Variants in PTPN3 observed in about 807,000 individuals in gnomAD.
The protein encoded by PTPN3 is protein tyrosine phosphatase non-receptor type 3, also known as tyrosine-protein phosphatase non-receptor type 3.
In PTPN3, 96 loss-of-function variants were observed where a neutral mutation model predicts 132.7. That is an observed-to-expected ratio of 0.72 (90% CI 0.61 to 0.86). PTPN3 has a LOEUF of 0.86. Ranked by LOEUF, PTPN3 falls within the 40% of genes least tolerant of loss-of-function variation. PTPN3 has a pLI of 0.00. For missense variants in PTPN3, 1,125 were observed against 1,159.6 expected, an observed-to-expected ratio of 0.97 and a Z score of 0.43; for synonymous variants, 398 against 429.0, an observed-to-expected ratio of 0.93 and a Z score of 0.89.
chr9:109,455,496 T>C (rs953319947), intron 4 of PTPN3, among the ~76,000 whole-genome samples: 3 of 152,156 alleles, frequency 2.0e-5, no homozygotes, highest in African/African-American at 7.2e-5. Flanking sequence ...CCCTCCCTGC[T>C]CTTTAGTGCT....
At chr9:109,428,527 CCT>C (rs1843438969) in intron 11 of PTPN3, 92 bp downstream of exon 11, 9 of 1,336,088 alleles carry the variant, frequency 6.7e-6, no homozygotes, top group South Asian at 2.7e-5. Flanking sequence ...AGGAGGATCC[CCT>C]GAGCTCAGTT....
the PTPN3 span, among the ~76,000 whole-genome samples, chr9:109,510,596 T>TAA: frequency 7.7e-6 from 1 of 130,498 alleles, no homozygotes. Context: ...TATATATATA[T>TAA]ATATATATAT....
intron 1 of PTPN3, among the ~76,000 whole-genome samples, chr9:109,476,812 A>T (rs1356470228): frequency 6.6e-6 from 1 of 152,218 alleles, no homozygotes; most frequent in African/African-American, 2.4e-5. Flanking sequence ...CAGCCACTCA[A>T]CACCAGCTCT....
the PTPN3 span, among the ~76,000 whole-genome samples, chr9:109,528,425 G>A: frequency 0.12 from 18,007 of 152,234 alleles, 1,415 homozygotes; most frequent in Middle Eastern, 0.24. Flanking sequence ...ACTGCTATGC[G>A]CAATGAAGAG....
chr9:109,379,261 AG>A lies in PTPN3; in HGVS notation c.*294del. On this transcript the variant is annotated 3_prime_UTR_variant, in exon 26 of 26. Transcript: ENST00000374541. Reference sequence around the variant, plus strand: ...GTCTCAATTGCTCCAGGATGCCGACAGGGGTGTGTGTGGTGATGTTAGGGAA... The same window carrying A: ...GTCTCAATTGCTCCAGGATGCCGACAGGGTGTGTGTGGTGATGTTAGGGAA... 3.0e-6 allele frequency: 1 copy of A among 332,914 alleles called. No individual in the cohort carries two copies. Among genetic ancestry groups the A allele is most frequent in the South Asian group, 5.1e-5 (1 of 19,570 alleles). 20.6% of individuals were successfully genotyped at this position (332,914 alleles called of 1,614,324 possible).
the PTPN3 span, among the ~76,000 whole-genome samples, chr9:109,512,215 A>G: frequency 3.3e-5 from 5 of 152,122 alleles, no homozygotes; most frequent in African/African-American, 1.2e-4. Context: ...CTTTTTAACG[A>G]TATTCCTTCC....
chr9:109,436,699 T>TA (rs1385237729), intron 9 of PTPN3, among the ~76,000 whole-genome samples, 184 bp downstream of exon 9: 3 of 151,696 alleles, frequency 2.0e-5, no homozygotes, highest in Non-Finnish European at 4.4e-5. Flanking sequence ...AAGCAAACAT[T>TA]AAAAAAAAGC....
At chr9:109,503,525 T>C in the PTPN3 span, among the ~76,000 whole-genome samples, 1 of 152,036 alleles carries the variant, frequency 6.6e-6, no homozygotes, top group Non-Finnish European at 1.5e-5. Flanking sequence ...GACAGCATAG[T>C]GAAACCCTGT....
At chr9:109,497,631 T>C (rs2132135769) in intron 1 of PTPN3, among the ~76,000 whole-genome samples, 1 of 151,982 alleles carries the variant, frequency 6.6e-6, no homozygotes, top group South Asian at 2.1e-4. Context: ...TCACATACAC[T>C]CCCCCATCTG....
chr9:109,505,237 C>T, the PTPN3 span, among the ~76,000 whole-genome samples: 3 of 152,340 alleles, frequency 2.0e-5, no homozygotes, highest in East Asian at 3.9e-4. Context: ...TTCTGAATCT[C>T]TGGGTGTGGC....
intron 1 of PTPN3, among the ~76,000 whole-genome samples, chr9:109,488,696 A>G (rs1847325596): frequency 6.6e-6 from 1 of 152,196 alleles, no homozygotes. Flanking sequence ...TAGGCAGAAA[A>G]TAAGTTAAAG....
chr9:109,534,418 G>A, the PTPN3 span: 15 of 1,387,762 alleles, frequency 1.1e-5, no homozygotes, highest in East Asian at 2.9e-4. Flanking sequence ...GGTGGTGGTG[G>A]GGCTGCTCAG....
the PTPN3 span, among the ~76,000 whole-genome samples, chr9:109,524,892 C>T: frequency 6.6e-6 from 1 of 151,680 alleles, no homozygotes; most frequent in Non-Finnish European, 1.5e-5. Context: ...CATGCACTAC[C>T]ACAGCTGGCT....
intron 2 of PTPN3, among the ~76,000 whole-genome samples, chr9:109,459,268 GAGA>G (rs1210327571): frequency 1.3e-5 from 2 of 152,222 alleles, no homozygotes; most frequent in African/African-American, 4.8e-5. Context: ...CCTGGGCTGA[GAGA>G]AGAACGACTG....
chr9:109,395,847 A>C (rs1840549646), intron 19 of PTPN3, among the ~76,000 whole-genome samples: 2 of 124,222 alleles, frequency 1.6e-5, no homozygotes, highest in African/African-American at 3.1e-5. Flanking sequence ...TTTTTTTTCA[A>C]GTTCCTATTT....
chr9:109,425,696 G>A (rs1297901214), intron 12 of PTPN3, among the ~76,000 whole-genome samples: 4 of 148,402 alleles, frequency 2.7e-5, no homozygotes, highest in African/African-American at 5.0e-5. Context: ...GTGAGACTTC[G>A]TCTCAAAACA....
intron 19 of PTPN3, among the ~76,000 whole-genome samples, chr9:109,394,921 C>T (rs944291985): frequency 1.1e-4 from 17 of 152,036 alleles, no homozygotes; most frequent in African/African-American, 3.4e-4. Flanking sequence ...GGGCAGATCA[C>T]GAGGTCAGGA....
At chr9:109,445,096 C>T in intron 7 of PTPN3, 144 bp downstream of exon 7, 1 of 752,908 alleles carries the variant, frequency 1.3e-6, no homozygotes, top group Non-Finnish European at 2.3e-6. Context: ...TGAGTAGAAA[C>T]ACATATCTGG....
the PTPN3 span, among the ~76,000 whole-genome samples, chr9:109,519,425 T>C: frequency 6.6e-6 from 1 of 152,206 alleles, no homozygotes; most frequent in Admixed American, 6.5e-5. Context: ...ATTTTTGACT[T>C]AGTACGTTTT....
Sources: allele counts gnomAD v4.1 joint callset (sites outside exome capture counted in the v4.1 genomes callset), GRCh38; gene constraint gnomAD v4.1.1; transcripts MANE v1.5; gene names NCBI Gene and HGNC (gene_info 2026-07-23, HGNC 2026-07-21).